Variants in RBMS3 observed in about 807,000 individuals in gnomAD.
RBMS3 encodes the protein RNA-binding motif, single-stranded-interacting protein 3.
In RBMS3, 27 loss-of-function variants were observed where a neutral mutation model predicts 66.8. The ratio of observed to expected loss-of-function variants is 0.40; its 90% CI spans 0.30 to 0.56. The LOEUF is 0.56. RBMS3 is among the 20% of genes least tolerant of loss of function. The pLI is 0.40. For missense variants in RBMS3, 513 were observed against 549.5 expected (o/e 0.93, Z 0.66); for synonymous variants, 188 against 183.0 (o/e 1.03, Z -0.22).
chr3:29,428,239 G>A (rs746632082), intron 1 of RBMS3, among the ~76,000 whole-genome samples: 6 of 151,968 alleles, frequency 3.9e-5, no homozygotes, highest in Non-Finnish European at 7.4e-5. Context: ...GGGGACATTT[G>A]GCAGTATCTG....
At chr3:29,396,120 G>C (rs561657725) in intron 1 of RBMS3, among the ~76,000 whole-genome samples, 1 of 152,126 alleles carries the variant, frequency 6.6e-6, no homozygotes, top group Non-Finnish European at 1.5e-5. Flanking sequence ...CCTATGGATA[G>C]AGGCGCAGCT....
intron 8 of RBMS3, among the ~76,000 whole-genome samples, chr3:29,889,699 C>A (rs2149589174): frequency 6.6e-6 from 1 of 151,716 alleles, no homozygotes; most frequent in South Asian, 2.1e-4. Context: ...TCTTGATACC[C>A]ATATCTATAA....
chr3:29,544,067 A>G (rs73828691), intron 3 of RBMS3, among the ~76,000 whole-genome samples: 2,429 of 152,238 alleles, frequency 0.016, 58 homozygotes, highest in African/African-American at 0.056. Context: ...TAATAAGAGA[A>G]TTGTCAAGTT....
chr3:29,994,835 G>T (rs1434217533), intron 14 of RBMS3, among the ~76,000 whole-genome samples: 1 of 152,148 alleles, frequency 6.6e-6, no homozygotes, highest in Admixed American at 6.5e-5. Flanking sequence ...AAACAGAACA[G>T]GAAAACTGGA....
chr3:29,904,019 T>C (rs553938113), intron 10 of RBMS3, among the ~76,000 whole-genome samples: 7 of 152,118 alleles, frequency 4.6e-5, no homozygotes, highest in African/African-American at 1.7e-4. Context: ...GCCTAAGGCC[T>C]AGTTTTAGAG....
At chr3:29,704,806 A>G (rs892741807) in intron 4 of RBMS3, among the ~76,000 whole-genome samples, 1 of 152,230 alleles carries the variant, frequency 6.6e-6, no homozygotes, top group African/African-American at 2.4e-5. Flanking sequence ...TTTGACAGGA[A>G]AAAATGTTAT....
intron 1 of RBMS3, among the ~76,000 whole-genome samples, chr3:29,417,804 T>C (rs112262278): frequency 7.2e-5 from 11 of 151,794 alleles, no homozygotes; most frequent in Non-Finnish European, 1.5e-5. Context: ...AGTGACACAA[T>C]CCGGTGAAAT....
chr3:29,991,108 G>C lies in RBMS3; in HGVS notation c.1206G>C (p.Gln402His), dbSNP rs1698845380. The C allele has an allele frequency of 6.2e-7, 1 of 1,613,974 alleles. No individual in the cohort carries two copies. Among genetic ancestry groups the C allele is most frequent in the South Asian group, 1.1e-5 (1 of 91,068 alleles). ...IEGVVADTSP[Q>H]TVAPSSQDTS... ...GTGTTGTTGCTGATACCTCTCCCCAGACAGTGGCACCTTCATCCCAGGACA... is the reference window on the plus strand; with the variant it reads ...GTGTTGTTGCTGATACCTCTCCCCACACAGTGGCACCTTCATCCCAGGACA... Residue 402 changes from glutamine (Q) to histidine (H), a missense_variant, in exon 14 of 15, where the codon CAG (glutamine) becomes CAC (histidine). Gln to His is a conservative substitution (Grantham distance 24, BLOSUM62 0). Transcript: ENST00000383767.
At chr3:29,352,229 C>G (rs984450099) in intron 1 of RBMS3, among the ~76,000 whole-genome samples, 11 of 151,902 alleles carry the variant, frequency 7.2e-5, no homozygotes, top group African/African-American at 2.4e-4. Flanking sequence ...ATATTTTGTT[C>G]GTTTTTGCAA....
At chr3:29,701,137 C>T (rs1236987948) in intron 4 of RBMS3, among the ~76,000 whole-genome samples, 6 of 152,000 alleles carry the variant, frequency 3.9e-5, no homozygotes, top group East Asian at 1.9e-4. Context: ...ATTAGCCGGA[C>T]GTGGTGGCGG....
intron 1 of RBMS3, among the ~76,000 whole-genome samples, chr3:29,379,112 C>A (rs541384119): frequency 6.6e-6 from 1 of 152,118 alleles, no homozygotes; most frequent in Non-Finnish European, 1.5e-5. Context: ...GAGCACTGAA[C>A]ACACATATAT....
chr3:29,324,859 A>G (rs1451845435), intron 1 of RBMS3, among the ~76,000 whole-genome samples: 1 of 145,618 alleles, frequency 6.9e-6, no homozygotes, highest in Non-Finnish European at 1.5e-5. Flanking sequence ...CTCTTCCTTT[A>G]CTCTCATTAT....
chr3:29,572,589 A>G (rs1307805584), intron 3 of RBMS3, among the ~76,000 whole-genome samples: 1 of 152,194 alleles, frequency 6.6e-6, no homozygotes, highest in Non-Finnish European at 1.5e-5. Context: ...GTGAATATTG[A>G]ATCATTCTTG....
rs1314438912 is a variant in RBMS3 at position 29,941,872 on chromosome 3, G to A, written c.1051-2335G>A. Among the ~76,000 whole-genome samples, 19 of 151,736 alleles carry A rather than the reference G, an allele frequency of 1.3e-4. 1 individual carries two copies. The highest frequency in any genetic ancestry group is 1.2e-3 in the Admixed American group (19 of 15,210). On this transcript the variant is annotated intron_variant, in intron 11 of 14. Transcript: ENST00000383767. ...AAGCTATCAAAATGCAGTACAAATT[G>A]CTAATGAAGGTGTAGGAAAATAAGC...
At chr3:29,952,513 T>C (rs1695750708) in intron 12 of RBMS3, among the ~76,000 whole-genome samples, 1 of 151,876 alleles carries the variant, frequency 6.6e-6, no homozygotes, top group Non-Finnish European at 1.5e-5. Context: ...AAGGGGACGG[T>C]ATATAATACA....
At chr3:29,993,384 T>C (rs1699008948) in intron 14 of RBMS3, among the ~76,000 whole-genome samples, 1 of 152,144 alleles carries the variant, frequency 6.6e-6, no homozygotes, top group Non-Finnish European at 1.5e-5. Context: ...CAAGAGACAT[T>C]GATTGGTGGG....
At chr3:29,990,460 C>CAAAAAAAAAAAAAAAA (rs10596526) in intron 13 of RBMS3, among the ~76,000 whole-genome samples, 8 of 106,514 alleles carry the variant, frequency 7.5e-5, no homozygotes, top group Non-Finnish European at 9.7e-5. Context: ...CTGTGAGAAA[C>CAAAAAAAAAAAAAAAA]AAAAAAAAAA....
At chr3:29,592,148 A>T (rs185584989) in intron 4 of RBMS3, among the ~76,000 whole-genome samples, 28 of 152,106 alleles carry the variant, frequency 1.8e-4, no homozygotes, top group African/African-American at 6.5e-4. Flanking sequence ...ATGAAAAGTC[A>T]AAATCAAGGA....
chr3:29,743,270 A>T (rs1005196934), intron 5 of RBMS3, among the ~76,000 whole-genome samples: 1 of 152,184 alleles, frequency 6.6e-6, no homozygotes, highest in Admixed American at 6.5e-5. Flanking sequence ...TAAAAATATT[A>T]TCCTGTCCCT....
Sources: allele counts gnomAD v4.1 joint callset (sites outside exome capture counted in the v4.1 genomes callset), GRCh38; gene constraint gnomAD v4.1.1; transcripts MANE v1.5; gene names NCBI Gene and HGNC (gene_info 2026-07-23, HGNC 2026-07-21).